The following MARVELD2 variants were observed in gnomAD, a reference collection of about 807,000 sequenced individuals.
MARVELD2 encodes the protein MARVEL domain-containing protein 2.
A neutral mutation model predicts 57.6 loss-of-function variants in MARVELD2; 49 were observed. The ratio of observed to expected loss-of-function variants is 0.85; its 90% CI spans 0.68 to 1.08. The LOEUF is 1.08. Ranked by LOEUF, MARVELD2 falls within the 50% of genes least tolerant of loss-of-function variation. The pLI is 0.00. For synonymous variants in MARVELD2, 238 were observed against 258.8 expected (o/e 0.92, Z 0.77); for missense variants, 606 against 701.1 (o/e 0.86, Z 1.53).
chr5:69,419,901 C>T lies in MARVELD2; in HGVS notation c.516C>T (p.Tyr172=). ...GACACACACAAACAGTTCGAACATA[C>T]AGTGAGAAGGTGGAGGAGTATAACC... ...LDRHTQTVRT[Y]SEKVEEYNLR... is the part of the protein sequence containing the mutation. The change falls in exon 2 of 7, where the codon TAC becomes TAT. Residue 172 remains tyrosine (Y), a synonymous_variant. Coordinates refer to ENST00000325631, the MANE Select transcript of MARVELD2 (RefSeq NM_001038603.3). 1 of 1,614,134 alleles carries T rather than the reference C, an allele frequency of 6.2e-7. No homozygotes were observed. Among genetic ancestry groups the T allele is most frequent in the Non-Finnish European group, 8.5e-7 (1 of 1,180,032 alleles).
At chr5:69,427,728 G>T (rs1766837394) in intron 3 of MARVELD2, among the ~76,000 whole-genome samples, 1 of 152,236 alleles carries the variant, frequency 6.6e-6, no homozygotes, top group Non-Finnish European at 1.5e-5. Flanking sequence ...CTGTCTAAGA[G>T]TGGCCTTTCC....
intron 6 of MARVELD2, among the ~76,000 whole-genome samples, chr5:69,440,799 A>T (rs1767303429): frequency 6.6e-6 from 1 of 152,230 alleles, no homozygotes; most frequent in South Asian, 2.1e-4. Context: ...AAATCAGTAG[A>T]GGTGGCTGGA....
intron 3 of MARVELD2, among the ~76,000 whole-genome samples, chr5:69,428,497 G>A (rs1187874356): frequency 9.1e-6 from 1 of 109,836 alleles, no homozygotes; most frequent in African/African-American, 3.3e-5. Flanking sequence ...GCAATAGTGC[G>A]AGACTGTCTC....
chr5:69,422,939 C>G (rs1766674929), intron 2 of MARVELD2, among the ~76,000 whole-genome samples: 1 of 152,194 alleles, frequency 6.6e-6, no homozygotes, highest in South Asian at 2.1e-4. Flanking sequence ...ATATCTGGCA[C>G]CAGGCTGGAG....
rs1165182792 is a variant in MARVELD2, at chr5:69,441,856, A to AT, written c.*207dup. 3.7e-5 allele frequency: 14 copies of AT among 376,356 alleles called. No homozygotes were observed. Among genetic ancestry groups the AT allele is most frequent in the Non-Finnish European group, 5.4e-5 (11 of 202,854 alleles). 23.3% of individuals were successfully genotyped at this position (376,356 alleles called of 1,614,324 possible). Reference sequence around the variant, plus strand: ...AGGCGTGCGCTGCCACACCCCGCTAATTTTTGTATTTTTAGTAGAGACGAG... The same window carrying AT: ...AGGCGTGCGCTGCCACACCCCGCTAATTTTTTGTATTTTTAGTAGAGACGAG... On this transcript the variant is annotated 3_prime_UTR_variant, in exon 7 of 7. Transcript: ENST00000325631.
At chr5:69,418,090 A>AGAGT (rs111965491) in intron 1 of MARVELD2, among the ~76,000 whole-genome samples, 48 of 152,302 alleles carry the variant, frequency 3.2e-4, no homozygotes, top group African/African-American at 1.1e-3. Flanking sequence ...CCTGGGAAAC[A>AGAGT]GAGTGAGACC....
rs1561306273 is a variant in MARVELD2, at chr5:69,442,368, A to C, written c.*714A>C. The stretch of plus-strand genomic sequence containing the variant: ...TTCAAAGGTGTCATTTATTCCCTTG[A>C]AAGGTGTTTGAATCCCAGATCAACA... On this transcript the variant is annotated 3_prime_UTR_variant, in exon 7 of 7. Transcript: ENST00000325631. The C allele has an allele frequency of 6.6e-6, 1 of 152,280 alleles. No individual in the cohort carries two copies. Among genetic ancestry groups the C allele is most frequent in the East Asian group, 1.9e-4 (1 of 5,186 alleles). The allele number at this position is 152,280 out of a possible 1,614,324, so 9.4% of individuals were successfully genotyped here. A position where few individuals can be genotyped will look rare whatever the true frequency, so the allele number is the denominator to read the frequency against.
At position 69,428,666 on chromosome 5, in the gene MARVELD2, AT is replaced by A. The variant is rs1158715334; in HGVS notation, c.1183-3857del. ...AAATGATTAGTTCTTCCTTAAAAAA[AT>A]TTTATGTAGAAAACAAATTAATGAT... is the stretch of plus-strand genomic sequence containing the variant. On this transcript the variant is annotated intron_variant, in intron 3 of 6. Transcript: ENST00000325631. Among the ~76,000 whole-genome samples the A allele has an allele frequency of 9.1e-3, 1,032 of 113,570 alleles. 6 individuals are homozygous for A. Among genetic ancestry groups the A allele is most frequent in the Admixed American group, 0.012 (126 of 10,846 alleles). 74.5% of individuals were successfully genotyped at this position (113,570 alleles called of 152,430 possible).
intron 4 of MARVELD2, 35 bp downstream of exon 4, chr5:69,432,710 A>C: frequency 6.2e-7 from 1 of 1,613,858 alleles, no homozygotes. Flanking sequence ...TCAAGGTAGA[A>C]GTTGAGGGGC....
intron 2 of MARVELD2, among the ~76,000 whole-genome samples, chr5:69,420,927 A>G (rs1288066905): frequency 3.3e-5 from 5 of 152,190 alleles, no homozygotes; most frequent in African/African-American, 1.2e-4. Context: ...CTTTAATAAA[A>G]GCTCCTAATT....
intron 5 of MARVELD2, 31 bp downstream of exon 5, chr5:69,433,124 C>A: frequency 3.3e-6 from 4 of 1,218,662 alleles, no homozygotes; most frequent in Non-Finnish European, 4.8e-6. Context: ...AGGAGGAGCA[C>A]TGAAATCTAG....
intron 1 of MARVELD2, among the ~76,000 whole-genome samples, chr5:69,417,037 T>G (rs1431386755): frequency 6.6e-6 from 1 of 152,236 alleles, no homozygotes; most frequent in East Asian, 1.9e-4. Flanking sequence ...TTCACCTTCT[T>G]ACCCACTTTG....
intron 2 of MARVELD2, among the ~76,000 whole-genome samples, chr5:69,420,820 C>T (rs1235597757): frequency 1.3e-5 from 2 of 151,966 alleles, no homozygotes; most frequent in African/African-American, 4.8e-5. Flanking sequence ...CTGTCTGAAG[C>T]TTAAGGGAAA....
At chr5:69,439,077 AAAAAG>A (rs1229188371) in intron 5 of MARVELD2, among the ~76,000 whole-genome samples, 1 of 151,264 alleles carries the variant, frequency 6.6e-6, no homozygotes, top group Non-Finnish European at 1.5e-5. Flanking sequence ...AAAAAAAAAA[AAAAAG>A]AAGAAGAAAA....
chr5:69,429,642 T>C (rs1184667784), intron 3 of MARVELD2, among the ~76,000 whole-genome samples: 1 of 152,134 alleles, frequency 6.6e-6, no homozygotes, highest in Non-Finnish European at 1.5e-5. Context: ...ATGAACAATA[T>C]ACATTTAAGC....
At chr5:69,436,845 G>A (rs912357870) in intron 5 of MARVELD2, among the ~76,000 whole-genome samples, 37 of 152,162 alleles carry the variant, frequency 2.4e-4, no homozygotes, top group African/African-American at 7.5e-4. Context: ...CTGTAAGGCC[G>A]GGTGTGGTGG....
At position 69,420,326 on chromosome 5, in the gene MARVELD2, A is replaced by T; in HGVS notation, c.941A>T (p.Asp314Val). The change falls in exon 2 of 7, where the codon GAT (aspartate) becomes GTT (valine). Residue 314 changes from aspartate to valine, a missense_variant. Asp to Val is a radical substitution (Grantham distance 152, BLOSUM62 -3). Coordinates refer to ENST00000325631, the MANE Select transcript of MARVELD2 (RefSeq NM_001038603.3). ...YMAAAIVYVN[D>V]TNRGGLCYYP... is the part of the protein sequence containing the mutation. ...GCCGCAGCCATAGTCTATGTGAATG[A>T]TACCAACCGAGGTGGCCTCTGCTAC... The T allele has an allele frequency of 1.1e-5, 18 of 1,614,210 alleles. No individual in the cohort carries two copies. Among genetic ancestry groups the T allele is most frequent in the Non-Finnish European group, 1.5e-5 (18 of 1,180,034 alleles).
chr5:69,441,711 C>A lies in MARVELD2; in HGVS notation c.*57C>A. 1.6e-6 allele frequency: 2 copies of A among 1,257,978 alleles called. No individual in the cohort carries two copies. The highest frequency in any genetic ancestry group is 1.3e-5 in the South Asian group (1 of 78,366). 77.9% of individuals were successfully genotyped at this position (1,257,978 alleles called of 1,614,324 possible). ...TTATTTTATTTTTTTGAGATGAAGT[C>A]TCGCTCTGTTACCCAGGCTGGAATG... On this transcript the variant is annotated 3_prime_UTR_variant, in exon 7 of 7. Transcript: ENST00000325631.
At chr5:69,430,924 TA>T (rs1346024070) in intron 3 of MARVELD2, among the ~76,000 whole-genome samples, 6 of 151,684 alleles carry the variant, frequency 4.0e-5, no homozygotes, top group African/African-American at 1.5e-4. Context: ...CTTCTGTTTT[TA>T]ATTTTTTTTT....
Sources: gnomAD v4.1 joint callset for allele counts (sites outside exome capture counted in the v4.1 genomes callset) on GRCh38, gnomAD v4.1.1 for gene constraint, MANE v1.5 for transcripts, NCBI Gene and HGNC (gene_info 2026-07-23, HGNC 2026-07-21) for gene names.